Variants in GPHN observed in about 807,000 individuals in gnomAD.
GPHN encodes the protein gephyrin.
Under a neutral mutation model 95.5 loss-of-function variants are expected in GPHN, and 17 were observed. The ratio of observed to expected loss-of-function variants is 0.18; its 90% confidence interval spans 0.12 to 0.27. The LOEUF (loss-of-function observed/expected upper bound fraction) is 0.27. GPHN is among the 10% of genes least tolerant of loss of function. The pLI is 1.00. For synonymous variants in GPHN, 320 were observed against 322.5 expected (o/e 0.99, Z 0.08); for missense variants, 660 against 978.1 (o/e 0.67, Z 4.34).
chr14:67,439,593 C>CTTTCTTTTTTTCTTTCT, the GPHN span, among the ~76,000 whole-genome samples: 7 of 109,840 alleles, frequency 6.4e-5, no homozygotes, highest in East Asian at 2.7e-4. Context: ...TTCTTTCTTT[C>CTTTCTTTTTTTCTTTCT]TTCTTTCTTT....
chr14:66,976,124 A>T (rs1359358414), intron 9 of GPHN, among the ~76,000 whole-genome samples: 5 of 152,210 alleles, frequency 3.3e-5, no homozygotes, highest in Admixed American at 6.5e-5. Flanking sequence ...AAAGTACTAG[A>T]GACAGAGATT....
At chr14:66,714,746 GT>G (rs1444106408) in intron 2 of GPHN, among the ~76,000 whole-genome samples, 3 of 152,064 alleles carry the variant, frequency 2.0e-5, no homozygotes, top group Admixed American at 6.6e-5. Context: ...TGTGATTTTT[GT>G]TTTTAATTCT....
chr14:66,948,385 GT>G (rs1162234080), intron 8 of GPHN, among the ~76,000 whole-genome samples: 1 of 151,988 alleles, frequency 6.6e-6, no homozygotes, highest in East Asian at 1.9e-4. Context: ...CATCTAAGTG[GT>G]TTTTCATTAT....
intron 9 of GPHN, among the ~76,000 whole-genome samples, chr14:66,991,723 T>A (rs570148387): frequency 1.3e-5 from 2 of 151,320 alleles, no homozygotes; most frequent in Admixed American, 6.6e-5. Flanking sequence ...ATACAAAAAA[T>A]TAGCCAGGCA....
intron 1 of GPHN, among the ~76,000 whole-genome samples, chr14:66,546,503 C>A (rs2059604096): frequency 6.6e-6 from 1 of 152,204 alleles, no homozygotes; most frequent in Non-Finnish European, 1.5e-5. Flanking sequence ...GTGAACCAGA[C>A]TCCATCTGCA....
At chr14:67,609,502 G>A in the GPHN span, among the ~76,000 whole-genome samples, 8 of 152,202 alleles carry the variant, frequency 5.3e-5, no homozygotes, top group African/African-American at 1.9e-4. Context: ...CTGGCCATTG[G>A]TGGCCAACTC....
chr14:67,295,514 T>C, the GPHN span, among the ~76,000 whole-genome samples: 3 of 149,942 alleles, frequency 2.0e-5, no homozygotes, highest in Non-Finnish European at 3.0e-5. Flanking sequence ...TCTTGGAAAT[T>C]AATAAGAAAA....
At chr14:66,633,519 G>A (rs757881391) in intron 1 of GPHN, among the ~76,000 whole-genome samples, 3 of 152,028 alleles carry the variant, frequency 2.0e-5, no homozygotes, top group Non-Finnish European at 4.4e-5. Flanking sequence ...TATAAAATAA[G>A]TACTGCATTC....
At chr14:67,533,131 G>C in the GPHN span, among the ~76,000 whole-genome samples, 1 of 152,170 alleles carries the variant, frequency 6.6e-6, no homozygotes, top group Non-Finnish European at 1.5e-5. Flanking sequence ...TTTAAGGAGC[G>C]GGCGGGGAGC....
intron 2 of GPHN, among the ~76,000 whole-genome samples, chr14:66,724,615 C>G (rs1372556027): frequency 1.3e-5 from 2 of 152,068 alleles, no homozygotes; most frequent in Admixed American, 1.3e-4. Flanking sequence ...AAGGGATGTG[C>G]CTTTCCTTCA....
chr14:67,083,657 A>G (rs2076778247), intron 11 of GPHN, among the ~76,000 whole-genome samples: 1 of 152,220 alleles, frequency 6.6e-6, no homozygotes, highest in Non-Finnish European at 1.5e-5. Flanking sequence ...CAGAGTGGCA[A>G]TGATCAAGGA....
At chr14:67,450,769 A>G in the GPHN span, among the ~76,000 whole-genome samples, 6 of 152,236 alleles carry the variant, frequency 3.9e-5, no homozygotes, top group Admixed American at 1.3e-4. Flanking sequence ...TGACAATGCG[A>G]TAGAAAAGAA....
intron 8 of GPHN, 68 bp from the exon 9 acceptor site, chr14:66,965,122 AG>A (rs1442292035): frequency 7.6e-7 from 1 of 1,324,180 alleles, no homozygotes; most frequent in Non-Finnish European, 1.1e-6. Context: ...GCTAAAACAA[AG>A]GGGGTCTTGA....
At chr14:66,510,108 G>C (rs1375694912) in intron 1 of GPHN, among the ~76,000 whole-genome samples, 1 of 152,150 alleles carries the variant, frequency 6.6e-6, no homozygotes, top group Non-Finnish European at 1.5e-5. Flanking sequence ...TCTTCTTTTG[G>C]TCCTGAAACT....
the GPHN span, among the ~76,000 whole-genome samples, chr14:67,630,788 C>T: frequency 6.6e-6 from 1 of 152,212 alleles, no homozygotes; most frequent in Admixed American, 6.5e-5. Flanking sequence ...CCATCTTGGC[C>T]AGGCTGGTCT....
chr14:67,495,686 G>A, the GPHN span, among the ~76,000 whole-genome samples: 3 of 152,118 alleles, frequency 2.0e-5, no homozygotes, highest in Non-Finnish European at 2.9e-5. Flanking sequence ...GTTTCACTGT[G>A]TTGGCCAGGC....
At chr14:67,493,023 G>A in the GPHN span, among the ~76,000 whole-genome samples, 1 of 152,192 alleles carries the variant, frequency 6.6e-6, no homozygotes, top group Admixed American at 6.5e-5. Flanking sequence ...TAAGGAGGTA[G>A]CATTTGGGCA....
At chr14:66,924,408 C>A (rs2066373353) in intron 8 of GPHN, 116 bp downstream of exon 8, 3 of 719,844 alleles carry the variant, frequency 4.2e-6, no homozygotes, top group Non-Finnish European at 7.5e-6. Context: ...GGATTTTCAG[C>A]CTTGCTTTCT....
At chr14:66,630,912 T>TTA (rs200934586) in intron 1 of GPHN, among the ~76,000 whole-genome samples, 3 of 14,686 alleles carry the variant, frequency 2.0e-4, no homozygotes, top group African/African-American at 1.0e-3. Context: ...ATTTAATGTG[T>TTA]TTTTTTTTTC....
Sources: allele counts gnomAD v4.1 joint callset (sites outside exome capture counted in the v4.1 genomes callset), GRCh38; gene constraint gnomAD v4.1.1; transcripts MANE v1.5; gene names NCBI Gene and HGNC (gene_info 2026-07-23, HGNC 2026-07-21).